DIS3L2: variants seen among roughly 807,000 people sequenced by gnomAD.
DIS3L2 encodes DIS3-like exonuclease 2.
Under a neutral mutation model 97.5 loss-of-function variants are expected in DIS3L2, and 34 were observed. The ratio of observed to expected loss-of-function variants is 0.35; its 90% CI spans 0.27 to 0.46. The LOEUF (loss-of-function observed/expected upper bound fraction) is 0.46, where lower values mean the gene tolerates loss of function less well. Ranked by LOEUF, DIS3L2 falls within the 20% of genes least tolerant of loss-of-function variation. The probability of loss-of-function intolerance (pLI) is 1.00; values close to 1 mark genes in which losing one functional copy is unlikely to be tolerated. For missense variants in DIS3L2, 1,038 were observed against 1,146.0 expected, an observed-to-expected ratio of 0.91 and a Z score of 1.36; for synonymous variants, 435 against 445.2, an observed-to-expected ratio of 0.98 and a Z score of 0.29.
At chr2:232,217,077 G>A (rs894686410) in intron 10 of DIS3L2, among the ~76,000 whole-genome samples, 2 of 152,156 alleles carry the variant, frequency 1.3e-5, no homozygotes, top group African/African-American at 4.8e-5. Context: ...TCCTGACTTT[G>A]TGATCCGCCT....
intron 14 of DIS3L2, among the ~76,000 whole-genome samples, chr2:232,312,288 A>G (rs1406835638): frequency 6.6e-6 from 1 of 152,220 alleles, no homozygotes; most frequent in African/African-American, 2.4e-5. Flanking sequence ...TCTACTTAGA[A>G]TTGATTTTTG....
intron 8 of DIS3L2, among the ~76,000 whole-genome samples, chr2:232,155,500 A>T: frequency 6.6e-6 from 1 of 152,120 alleles, no homozygotes; most frequent in East Asian, 1.9e-4. Flanking sequence ...TTATCTTTGA[A>T]ATCCAGTAAC....
chr2:232,342,112 G>T (rs894729212), downstream of DIS3L2, among the ~76,000 whole-genome samples: 1 of 144,474 alleles, frequency 6.9e-6, no homozygotes, highest in African/African-American at 2.8e-5. Context: ...GTGTGTGTGT[G>T]TGTGTGTAGC....
rs1694989931 is a variant in DIS3L2 at position 232,037,724 on chromosome 2, A to G, written c.366+7644A>G. ...GTGAAGACTGTGGGAAAAGCATAAT[A>G]TCTGGGCCAGAGTGCAATGTTCCTC... On this transcript the variant is annotated intron_variant, in intron 5 of 20. Transcript: ENST00000325385. This position sits in a 1 kb window ranked among gnomAD's most constrained non-coding sequence, Gnocchi z 4.6. Among the ~76,000 whole-genome samples, 1 of 152,084 alleles carries G rather than the reference A, an allele frequency of 6.6e-6. No homozygotes were observed. The highest frequency in any genetic ancestry group is 1.5e-5 in the Non-Finnish European group (1 of 68,002).
chr2:232,064,999 A>G (rs1302223734), intron 5 of DIS3L2, among the ~76,000 whole-genome samples: 1 of 152,158 alleles, frequency 6.6e-6, no homozygotes, highest in East Asian at 1.9e-4. Flanking sequence ...GTGAAATCCA[A>G]TTTATCAAAA....
At chr2:232,207,809 A>G (rs1214078766) in intron 9 of DIS3L2, among the ~76,000 whole-genome samples, 1 of 152,254 alleles carries the variant, frequency 6.6e-6, no homozygotes, top group Non-Finnish European at 1.5e-5. Flanking sequence ...GTTACAAGAT[A>G]GCTAAATATA....
At chr2:232,034,980 G>C (rs952463569) in intron 5 of DIS3L2, among the ~76,000 whole-genome samples, 1 of 152,110 alleles carries the variant, frequency 6.6e-6, no homozygotes, top group Non-Finnish European at 1.5e-5. Context: ...ATGACTATTA[G>C]GTCCTCTTGA....
At position 232,325,275 on chromosome 2, in the gene DIS3L2, C is replaced by T. The variant is rs1464612381; in HGVS notation, c.1740-4538C>T. Among the ~76,000 whole-genome samples, 2 of 152,210 alleles carry T rather than the reference C, an allele frequency of 1.3e-5. No individual in the cohort carries two copies. Among genetic ancestry groups the T allele is most frequent in the South Asian group, 2.1e-4 (1 of 4,828 alleles). ...TCGCCGGCACCTTCAGGGTGAAGGA[C>T]GCCCTGTCGTAAACGCATGAAGAGC... On this transcript the variant is annotated intron_variant, in intron 14 of 20. Transcript: ENST00000325385. The surrounding 1 kb of genome is among the most constrained non-coding windows in gnomAD (Gnocchi z 4.6).
Position 231,974,616 on chromosome 2 carries a change from C to A in DIS3L2, c.-94+12851C>A, listed in dbSNP as rs569543676. On this transcript the variant is annotated intron_variant, in intron 1 of 20. Coordinates refer to ENST00000325385, the MANE Select transcript of DIS3L2 (RefSeq NM_152383.5). ...CTTCTTGAACATATGGAATACAATT[C>A]TTTTTTAAAAAAATTTTTTTACATA... Among the ~76,000 whole-genome samples, 201 of 147,236 alleles carry A rather than the reference C, an allele frequency of 1.4e-3. 1 individual carries two copies. Among genetic ancestry groups the A allele is most frequent in the African/African-American group, 4.8e-3 (191 of 39,734 alleles).
intron 10 of DIS3L2, among the ~76,000 whole-genome samples, chr2:232,218,151 C>G (rs1334319783): frequency 6.6e-6 from 1 of 152,122 alleles, no homozygotes; most frequent in African/African-American, 2.4e-5. Flanking sequence ...AGGAGAAAGT[C>G]AGAGAGATTC....
chr2:231,973,318 G>A (rs1366502199), intron 1 of DIS3L2, among the ~76,000 whole-genome samples: 5 of 151,922 alleles, frequency 3.3e-5, no homozygotes, highest in Non-Finnish European at 7.4e-5. Flanking sequence ...TTTTGTAGAA[G>A]CCTTGAAAGA....
intron 9 of DIS3L2, among the ~76,000 whole-genome samples, chr2:232,200,158 G>A (rs1180283982): frequency 6.6e-6 from 1 of 152,160 alleles, no homozygotes; most frequent in Non-Finnish European, 1.5e-5. Flanking sequence ...TATGGAATGG[G>A]GGAGATAAGA....
chr2:232,139,045 AG>A (rs1468869661), intron 8 of DIS3L2, among the ~76,000 whole-genome samples: 2 of 152,240 alleles, frequency 1.3e-5, no homozygotes, highest in Non-Finnish European at 2.9e-5. Context: ...CTAATGCAAA[AG>A]GATTTTTGCA....
chr2:232,067,894 A>G (rs1191574093), intron 5 of DIS3L2, among the ~76,000 whole-genome samples: 1 of 152,068 alleles, frequency 6.6e-6, no homozygotes, highest in African/African-American at 2.4e-5. Flanking sequence ...TTCTTGAATC[A>G]CTGTGTCTAA....
rs1381593481 is a variant in DIS3L2 at position 232,112,730 on chromosome 2, G to A, written c.602-17889G>A. On this transcript the variant is annotated intron_variant, in intron 6 of 20. Transcript: ENST00000325385. ...GGGAACAGAGGCTCTAGCAACTGTAGACAGTGGCATGTAGACAAGAGGAAC... is the reference window on the plus strand; with the variant it reads ...GGGAACAGAGGCTCTAGCAACTGTAAACAGTGGCATGTAGACAAGAGGAAC... Among the ~76,000 whole-genome samples, 6 of 152,256 alleles carry A rather than the reference G, an allele frequency of 3.9e-5. No individual in the cohort carries two copies. The East Asian group carries it at 5.8e-4, about 15-fold the overall frequency.
At chr2:232,323,004 A>C (rs1695478757) in intron 14 of DIS3L2, among the ~76,000 whole-genome samples, 1 of 152,204 alleles carries the variant, frequency 6.6e-6, no homozygotes, top group African/African-American at 2.4e-5. Context: ...GCAGCAAGCA[A>C]AGCTGTTGGG....
chr2:232,165,865 A>C (rs1044292321), intron 9 of DIS3L2, among the ~76,000 whole-genome samples: 17 of 152,144 alleles, frequency 1.1e-4, no homozygotes, highest in Non-Finnish European at 1.0e-4. Flanking sequence ...ACTTTAAAAA[A>C]TTATAAATGT....
intron 13 of DIS3L2, among the ~76,000 whole-genome samples, chr2:232,299,202 T>C (rs1694797199): frequency 6.6e-6 from 1 of 152,210 alleles, no homozygotes; most frequent in Non-Finnish European, 1.5e-5. Flanking sequence ...TCTCTCACTC[T>C]ATCCCAGCCC....
chr2:232,019,306 CT>C (rs1694445251), intron 3 of DIS3L2, among the ~76,000 whole-genome samples: 1 of 152,152 alleles, frequency 6.6e-6, no homozygotes, highest in Non-Finnish European at 1.5e-5. Flanking sequence ...AATCCCAGCA[CT>C]TTAGAAGGCT....
Sources: gnomAD v4.1 joint callset for allele counts (sites outside exome capture counted in the v4.1 genomes callset) on GRCh38, gnomAD v4.1.1 for gene constraint, Gnocchi (gnomAD v3.1) non-coding constraint, MANE v1.5 for transcripts, NCBI Gene and HGNC (gene_info 2026-07-23, HGNC 2026-07-21) for gene names.